The following AMD1 variants were observed in gnomAD, a reference collection of about 807,000 sequenced individuals.
AMD1 encodes the protein S-adenosylmethionine decarboxylase proenzyme.
Under a neutral mutation model 40.2 loss-of-function variants are expected in AMD1, and 11 were observed. The observed-to-expected ratio is 0.27, with a 90% CI of 0.17 to 0.45. AMD1 has a LOEUF of 0.45. Ranked by LOEUF, AMD1 falls within the 20% of genes least tolerant of loss-of-function variation. AMD1 has a pLI of 1.00. For synonymous variants in AMD1, 121 were observed against 130.8 expected (o/e 0.93, Z 0.51); for missense variants, 257 against 410.2 (o/e 0.63, Z 3.23).
upstream of AMD1, among the ~76,000 whole-genome samples, chr6:110,870,654 CA>C (rs368396393): frequency 6.6e-6 from 1 of 152,048 alleles, no homozygotes; most frequent in African/African-American, 2.4e-5. Flanking sequence ...ACAAAAACAA[CA>C]AAAAAAGTTT....
chr6:110,834,229 T>G, the AMD1 span, among the ~76,000 whole-genome samples: 9 of 152,112 alleles, frequency 5.9e-5, 1 homozygote, highest in South Asian at 8.3e-4. Flanking sequence ...ATCTCAGCAC[T>G]TTGGGAGGCT....
At chr6:110,833,128 C>A in the AMD1 span, among the ~76,000 whole-genome samples, 1 of 152,158 alleles carries the variant, frequency 6.6e-6, no homozygotes, top group African/African-American at 2.4e-5. Flanking sequence ...GCTGATCCAC[C>A]TATTTTTAAC....
chr6:110,844,573 A>G, the AMD1 span, among the ~76,000 whole-genome samples: 1 of 151,918 alleles, frequency 6.6e-6, no homozygotes, highest in East Asian at 2.0e-4. Context: ...CGAGGTCAGG[A>G]GATCGAGACC....
intron 1 of AMD1, among the ~76,000 whole-genome samples, chr6:110,882,492 T>A (rs1329717727): frequency 6.6e-6 from 1 of 152,262 alleles, no homozygotes; most frequent in Non-Finnish European, 1.5e-5. Flanking sequence ...CAGGCCATTT[T>A]TTCCCACAGA....
chr6:110,815,239 TCTCGCGCGCGCGCGCGCGCCG>T, the AMD1 span: 1 of 1,148,834 alleles, frequency 8.7e-7, no homozygotes. Context: ...AACAGCCGCC[TCTCGCGCGCGCGCGCGCGCCG>T]CCCGCCGCCC....
Position 110,892,721 on chromosome 6 carries a change from T to TC in AMD1, c.616-14_616-13insC, listed in dbSNP as rs1405029463. On this transcript the variant is annotated splice_polypyrimidine_tract_variant and intron_variant, in intron 6 of 8. Coordinates refer to ENST00000368885, the MANE Select transcript of AMD1 (RefSeq NM_001634.6). ...GTCAAACCCTTGTTAAACTCGGTCT[T>TC]TTTCCCCCCCCAGGAGAGTGGAATT... 4.0e-6 allele frequency: 6 copies of TC among 1,509,880 alleles called. No individual in the cohort carries two copies. The highest frequency in any genetic ancestry group is 5.3e-6 in the Non-Finnish European group (6 of 1,131,962). 93.5% of individuals were successfully genotyped at this position (1,509,880 alleles called of 1,614,324 possible).
chr6:110,840,476 C>T, the AMD1 span, among the ~76,000 whole-genome samples: 6 of 152,010 alleles, frequency 3.9e-5, no homozygotes, highest in African/African-American at 7.2e-5. Context: ...AGAACACTTA[C>T]GTTTACCAGT....
At chr6:110,814,956 C>T in the AMD1 span, 1 of 1,594,062 alleles carries the variant, frequency 6.3e-7, no homozygotes, top group Non-Finnish European at 8.5e-7. Flanking sequence ...CCCGCCAGGT[C>T]GCGGGCAGGG....
rs1217193154 is a variant in AMD1, at chr6:110,875,226, G to A, written c.110+11G>A. ...TCGCACTATCCCAAGGTGGGTCCCC[G>A]GGGCGCTCGCTGACATCCGGGCCTG... On this transcript the variant is annotated intron_variant, in intron 1 of 8. Transcript: ENST00000368885. 1.3e-6 allele frequency: 2 copies of A among 1,592,244 alleles called. No homozygotes were observed. The highest frequency in any genetic ancestry group is 1.7e-6 in the Non-Finnish European group (2 of 1,169,284).
chr6:110,840,389 C>T, the AMD1 span, among the ~76,000 whole-genome samples: 6 of 152,082 alleles, frequency 3.9e-5, no homozygotes, highest in African/African-American at 1.5e-4. Flanking sequence ...GCCTTTGGAA[C>T]TTCTGATCGA....
the AMD1 span, among the ~76,000 whole-genome samples, chr6:110,844,649 C>T: frequency 6.6e-6 from 1 of 151,766 alleles, no homozygotes; most frequent in Non-Finnish European, 1.5e-5. Flanking sequence ...GGTGTGGTGG[C>T]AGGCGCCTGT....
chr6:110,843,428 C>T, the AMD1 span, among the ~76,000 whole-genome samples: 1 of 147,562 alleles, frequency 6.8e-6, no homozygotes, highest in South Asian at 2.1e-4. Context: ...GGCCCCACTG[C>T]ACTCCAGCCT....
In AMD1 at chr6:110,875,188, G is replaced by A. The variant is rs1356386825; in HGVS notation, c.83G>A (p.Gly28Glu). The A allele has an allele frequency of 2.5e-6, 4 of 1,612,392 alleles. No individual in the cohort carries two copies. The highest frequency in any genetic ancestry group is 3.4e-6 in the Non-Finnish European group (4 of 1,179,280). The change falls in exon 1 of 9, where the codon GGA becomes GAA. Residue 28 changes from glycine (G) to glutamate (E), a missense_variant. Transcript: ENST00000368885. ...CGGCAGCAGCCCGACGCAAACCAAGGATCTGGGGATCTTCGCACTATCCCA... is the reference window on the plus strand; with the variant it reads ...CGGCAGCAGCCCGACGCAAACCAAGAATCTGGGGATCTTCGCACTATCCCA... Reference protein sequence around the residue: ...FSRQQPDANQGSGDLRTIPRS... With the variant: ...FSRQQPDANQESGDLRTIPRS...
At chr6:110,887,985 CT>C (rs985210916) in intron 2 of AMD1, among the ~76,000 whole-genome samples, 1 of 151,916 alleles carries the variant, frequency 6.6e-6, no homozygotes, top group South Asian at 2.1e-4. Context: ...CGCGCCCAGC[CT>C]TTTTTTTACA....
chr6:110,875,453 G>T, intron 1 of AMD1: 1 of 452,512 alleles, frequency 2.2e-6, no homozygotes, highest in East Asian at 3.8e-5. Flanking sequence ...CTGGGGGAGG[G>T]GAGGAGGCCG....
chr6:110,876,305 C>A (rs540510985), intron 1 of AMD1, among the ~76,000 whole-genome samples: 46 of 152,358 alleles, frequency 3.0e-4, no homozygotes, highest in Middle Eastern at 3.4e-3. Context: ...GGCTCCTCTG[C>A]GCACGAGTGC....
chr6:110,861,979 T>G, the AMD1 span, among the ~76,000 whole-genome samples: 15 of 152,138 alleles, frequency 9.9e-5, no homozygotes, highest in African/African-American at 3.6e-4. Context: ...TGCATTCTGA[T>G]TCTTTGTTCT....
At chr6:110,882,497 C>T (rs1447071965) in intron 1 of AMD1, among the ~76,000 whole-genome samples, 4 of 152,158 alleles carry the variant, frequency 2.6e-5, no homozygotes, top group African/African-American at 4.8e-5. Flanking sequence ...CATTTTTTCC[C>T]ACAGAAATGT....
intron 2 of AMD1, 147 bp from the exon 3 acceptor site, chr6:110,888,710 A>G: frequency 1.4e-6 from 1 of 714,434 alleles, no homozygotes; most frequent in South Asian, 2.3e-5. Flanking sequence ...ATACTAGAAA[A>G]GGAAAAGAAT....
Sources: gnomAD v4.1 joint callset for allele counts (sites outside exome capture counted in the v4.1 genomes callset) on GRCh38, gnomAD v4.1.1 for gene constraint, MANE v1.5 for transcripts, NCBI Gene and HGNC (gene_info 2026-07-23, HGNC 2026-07-21) for gene names.